The following DLG2 variants were observed in gnomAD, a reference collection of about 807,000 sequenced individuals.
DLG2 encodes discs large MAGUK scaffold protein 2.
In DLG2, 45 loss-of-function variants were observed where a neutral mutation model predicts 132.5. That is an observed-to-expected ratio of 0.34 (90% CI 0.27 to 0.44). The LOEUF is 0.44. Ranked by LOEUF, DLG2 falls within the 20% of genes least tolerant of loss-of-function variation. The pLI, the probability that DLG2 is intolerant of heterozygous loss-of-function variation, is 1.00. For missense variants in DLG2, 1,045 were observed against 1,196.9 expected (o/e 0.87, Z 1.87); for synonymous variants, 424 against 419.6 (o/e 1.01, Z -0.13).
intron 6 of DLG2, among the ~76,000 whole-genome samples, chr11:84,814,472 G>A (rs2076893326): frequency 6.6e-6 from 1 of 151,972 alleles, no homozygotes; most frequent in Admixed American, 6.6e-5. Flanking sequence ...ATAGGGCATG[G>A]CTCCCCACTG....
chr11:84,937,083 C>T (rs2048839145), intron 6 of DLG2, among the ~76,000 whole-genome samples: 1 of 152,058 alleles, frequency 6.6e-6, no homozygotes, highest in Admixed American at 6.6e-5. Flanking sequence ...ACCCAGGAGG[C>T]AGAGTTTGCA....
At position 84,851,005 on chromosome 11, in the gene DLG2, C is replaced by A. The variant is rs181880315; in HGVS notation, c.357+260656G>T. Among the ~76,000 whole-genome samples, 37 of 152,086 alleles carry A rather than the reference C, an allele frequency of 2.4e-4. 1 individual carries two copies. The East Asian group carries it at 6.2e-3, about 25-fold the overall frequency. On this transcript the variant is annotated intron_variant, in intron 6 of 27. Coordinates refer to ENST00000376104, the MANE Select transcript of DLG2 (RefSeq NM_001142699.3). ...ATTTCATGCAATCTTTTTCAAAATC[C>A]CAGTTACTTTTATTCCCCCAGAAAT...
chr11:84,958,089 T>G (rs2051970529), intron 6 of DLG2, among the ~76,000 whole-genome samples: 1 of 152,188 alleles, frequency 6.6e-6, no homozygotes, highest in African/African-American at 2.4e-5. Context: ...TAGAATTTGT[T>G]TAATATTATG....
At chr11:83,970,216 G>C (rs2091050955) in intron 12 of DLG2, among the ~76,000 whole-genome samples, 1 of 152,170 alleles carries the variant, frequency 6.6e-6, no homozygotes, top group African/African-American at 2.4e-5. Context: ...GAGAAATGTG[G>C]TCAGTGCTTA....
At chr11:84,491,300 G>T (rs1189556032) in intron 7 of DLG2, among the ~76,000 whole-genome samples, 1 of 151,990 alleles carries the variant, frequency 6.6e-6, no homozygotes, top group East Asian at 1.9e-4. Flanking sequence ...CATAAGATCT[G>T]ATGGTTATTA....
chr11:84,595,589 T>C (rs1328081506), intron 6 of DLG2, among the ~76,000 whole-genome samples: 3 of 152,178 alleles, frequency 2.0e-5, no homozygotes, highest in African/African-American at 4.8e-5. Context: ...AGGAACTTCC[T>C]GGCTCTGCAC....
chr11:84,464,680 T>A (rs2099089351), intron 7 of DLG2, among the ~76,000 whole-genome samples: 1 of 151,128 alleles, frequency 6.6e-6, no homozygotes, highest in Admixed American at 6.6e-5. Flanking sequence ...CAATAAATGT[T>A]AACTATAATT....
chr11:83,647,995 A>T (rs1371727100), intron 18 of DLG2: 2 of 152,146 alleles, frequency 1.3e-5, no homozygotes, highest in African/African-American at 4.8e-5. Context: ...GAATTTATTT[A>T]TTTTTATACC....
At chr11:84,918,648 T>G (rs1185939054) in intron 6 of DLG2, among the ~76,000 whole-genome samples, 1 of 152,118 alleles carries the variant, frequency 6.6e-6, no homozygotes, top group East Asian at 1.9e-4. Flanking sequence ...AATTATTGAC[T>G]CCCTCCAAAC....
At chr11:83,839,294 C>T (rs1011835661) in intron 16 of DLG2, among the ~76,000 whole-genome samples, 16 of 152,076 alleles carry the variant, frequency 1.1e-4, no homozygotes, top group African/African-American at 3.9e-4. Context: ...ATGATACTTA[C>T]TTTAATAGTG....
At chr11:85,040,179 C>T (rs1163843720) in intron 6 of DLG2, among the ~76,000 whole-genome samples, 3 of 151,890 alleles carry the variant, frequency 2.0e-5, no homozygotes, top group Non-Finnish European at 4.4e-5. Context: ...CCCCTTTAAA[C>T]CTACCAAGGA....
At chr11:84,910,942 A>C (rs1169710284) in intron 6 of DLG2, among the ~76,000 whole-genome samples, 1 of 152,222 alleles carries the variant, frequency 6.6e-6, no homozygotes, top group Non-Finnish European at 1.5e-5. Context: ...AAAACAAAGA[A>C]GTTCCATGTT....
intron 8 of DLG2, among the ~76,000 whole-genome samples, chr11:84,191,769 C>G (rs1049618185): frequency 2.0e-5 from 3 of 152,106 alleles, no homozygotes. Context: ...CAGTCTGTTA[C>G]GCAAAGCCAC....
At chr11:85,429,620 C>CTG (rs1466521578) in intron 3 of DLG2, among the ~76,000 whole-genome samples, 4 of 152,220 alleles carry the variant, frequency 2.6e-5, no homozygotes, top group Non-Finnish European at 5.9e-5. Flanking sequence ...CTCGTCATCA[C>CTG]TGGCCATCAG....
chr11:83,517,701 T>A (rs563969741), intron 21 of DLG2, among the ~76,000 whole-genome samples: 1 of 152,288 alleles, frequency 6.6e-6, no homozygotes, highest in East Asian at 1.9e-4. Flanking sequence ...GGGGTTTTGG[T>A]GTGGATGTCC....
intron 7 of DLG2, among the ~76,000 whole-genome samples, chr11:84,302,704 A>T (rs546101187): frequency 6.6e-6 from 1 of 152,200 alleles, no homozygotes; most frequent in African/African-American, 2.4e-5. Context: ...ATTTAAACTA[A>T]ATAATACAAA....
chr11:83,728,160 C>T (rs1301433484), intron 18 of DLG2, among the ~76,000 whole-genome samples: 2 of 152,180 alleles, frequency 1.3e-5, no homozygotes, highest in Non-Finnish European at 2.9e-5. Flanking sequence ...CTTGCTCCTT[C>T]CCTCTTATGT....
chr11:85,553,250 ACT>A (rs1318221921), intron 3 of DLG2, among the ~76,000 whole-genome samples: 1 of 151,618 alleles, frequency 6.6e-6, no homozygotes, highest in Admixed American at 6.6e-5. Context: ...TTCTAAATTC[ACT>A]TTTTTCTTTC....
rs183910080 is a variant in DLG2, at chr11:84,214,137, A to T, written c.573+37101T>A. 3.4e-5 allele frequency among the ~76,000 whole-genome samples: 5 copies of T among 149,016 alleles called. No homozygotes were observed. In the East Asian group the frequency reaches 9.7e-4, roughly 29 times the overall value. On this transcript the variant is annotated intron_variant, in intron 8 of 27. Transcript: ENST00000376104. Reference sequence around the variant, plus strand: ...GAATTAGTGAAAAATGATGATGAATATTTCAAATACTAACCTGAAAGTTCA... The same window carrying T: ...GAATTAGTGAAAAATGATGATGAATTTTTCAAATACTAACCTGAAAGTTCA...
Sources: allele counts gnomAD v4.1 joint callset (sites outside exome capture counted in the v4.1 genomes callset), GRCh38; gene constraint gnomAD v4.1.1; transcripts MANE v1.5; gene names NCBI Gene and HGNC (gene_info 2026-07-23, HGNC 2026-07-21).